DNER: variants seen among roughly 807,000 people sequenced by gnomAD.
DNER encodes delta/notch like EGF repeat containing.
Under a neutral mutation model 78.2 loss-of-function variants are expected in DNER, and 33 were observed. The observed-to-expected ratio is 0.42, with a 90% CI of 0.32 to 0.56. The LOEUF is 0.56. Ranked by LOEUF, DNER falls within the 20% of genes least tolerant of loss-of-function variation. The pLI, the probability that DNER is intolerant of heterozygous loss-of-function variation, is 0.11. For synonymous variants in DNER, 417 were observed against 384.8 expected (o/e 1.08, Z -0.98); for missense variants, 918 against 975.3 (o/e 0.94, Z 0.78).
chr2:229,393,128 T>C (rs1441836727), intron 10 of DNER, among the ~76,000 whole-genome samples: 1 of 152,216 alleles, frequency 6.6e-6, no homozygotes, highest in Non-Finnish European at 1.5e-5. Flanking sequence ...AAATTGTTTT[T>C]AGAACCCAAT....
chr2:229,396,226 C>A (rs560567831), intron 10 of DNER, among the ~76,000 whole-genome samples: 1 of 152,076 alleles, frequency 6.6e-6, no homozygotes, highest in East Asian at 1.9e-4. Context: ...AATTACTTAG[C>A]TTAAAGAAAA....
intron 4 of DNER, among the ~76,000 whole-genome samples, chr2:229,558,189 G>C (rs1335439619): frequency 1.3e-5 from 2 of 152,152 alleles, no homozygotes; most frequent in Non-Finnish European, 2.9e-5. Context: ...GGAACACATG[G>C]ACATATAGAG....
chr2:229,481,903 C>T (rs12476571), intron 6 of DNER, among the ~76,000 whole-genome samples: 39,195 of 152,086 alleles, frequency 0.26, 5,224 homozygotes, highest in South Asian at 0.33. Flanking sequence ...CATGCATACA[C>T]AACAGGCATT....
chr2:229,661,770 C>T (rs1250898924), intron 1 of DNER, among the ~76,000 whole-genome samples: 3 of 152,080 alleles, frequency 2.0e-5, no homozygotes, highest in South Asian at 2.1e-4. Flanking sequence ...TTCAATTAAA[C>T]GTTGACATGA....
At chr2:229,519,126 A>G (rs572220708) in intron 5 of DNER, among the ~76,000 whole-genome samples, 1 of 152,054 alleles carries the variant, frequency 6.6e-6, no homozygotes, top group African/African-American at 2.4e-5. Flanking sequence ...ATATTTTTCT[A>G]TTTCAATACT....
intron 4 of DNER, among the ~76,000 whole-genome samples, chr2:229,585,430 G>A (rs544957763): frequency 1.3e-5 from 2 of 152,206 alleles, no homozygotes; most frequent in African/African-American, 2.4e-5. Flanking sequence ...GGAGGCTGAG[G>A]CAGGCAGATC....
chr2:229,701,325 G>GA (rs1461135084), intron 1 of DNER, among the ~76,000 whole-genome samples: 2 of 152,192 alleles, frequency 1.3e-5, no homozygotes, highest in African/African-American at 4.8e-5. Context: ...AAACCTTTCA[G>GA]AAAAAAGCTG....
At chr2:229,479,620 C>T (rs765026424) in intron 6 of DNER, among the ~76,000 whole-genome samples, 7 of 149,168 alleles carry the variant, frequency 4.7e-5, no homozygotes, top group Non-Finnish European at 7.4e-5. Context: ...GGCTGAGGCA[C>T]GAGAGTCATT....
chr2:229,686,747 T>C (rs1699489107), intron 1 of DNER, among the ~76,000 whole-genome samples: 1 of 152,168 alleles, frequency 6.6e-6, no homozygotes. Context: ...ATCCCAACAG[T>C]CCAGACACGA....
intron 4 of DNER, among the ~76,000 whole-genome samples, chr2:229,561,129 A>G (rs1367288852): frequency 1.3e-5 from 2 of 152,194 alleles, no homozygotes; most frequent in Non-Finnish European, 2.9e-5. Context: ...TCACCCACAC[A>G]GAATCTCTCA....
At chr2:229,637,248 G>GAAT in intron 1 of DNER, among the ~76,000 whole-genome samples, 1 of 152,298 alleles carries the variant, frequency 6.6e-6, no homozygotes, top group Middle Eastern at 3.4e-3. Flanking sequence ...TAGAATTGTT[G>GAAT]AATGGGGTAT....
chr2:229,544,959 A>G (rs1228607207), intron 5 of DNER, among the ~76,000 whole-genome samples: 4 of 152,126 alleles, frequency 2.6e-5, no homozygotes, highest in Non-Finnish European at 5.9e-5. Context: ...CCCTCCTCAC[A>G]CTTATCAAAG....
intron 5 of DNER, among the ~76,000 whole-genome samples, chr2:229,521,347 C>T (rs571378256): frequency 4.6e-5 from 7 of 152,182 alleles, no homozygotes; most frequent in Admixed American, 3.3e-4. Context: ...CAGGGTCTAG[C>T]GAGAACTGAC....
At chr2:229,672,944 C>A (rs1420567920) in intron 1 of DNER, among the ~76,000 whole-genome samples, 1 of 152,222 alleles carries the variant, frequency 6.6e-6, no homozygotes, top group Non-Finnish European at 1.5e-5. Flanking sequence ...CTAGGCATGT[C>A]TTCACCCAAT....
At chr2:229,600,166 T>C (rs769855681) in intron 1 of DNER, among the ~76,000 whole-genome samples, 1 of 152,206 alleles carries the variant, frequency 6.6e-6, no homozygotes, top group Non-Finnish European at 1.5e-5. Flanking sequence ...AATTAGAGGT[T>C]GGCAAATCAC....
At chr2:229,452,160 T>C (rs760258988) in intron 7 of DNER, among the ~76,000 whole-genome samples, 3 of 152,118 alleles carry the variant, frequency 2.0e-5, no homozygotes, top group South Asian at 2.1e-4. Flanking sequence ...TTATAGGCAA[T>C]GTGGAGAGGG....
chr2:229,474,465 T>C (rs80134676), intron 7 of DNER, among the ~76,000 whole-genome samples: 16 of 152,314 alleles, frequency 1.1e-4, no homozygotes, highest in African/African-American at 3.8e-4. Flanking sequence ...TTCATCTTCA[T>C]CTTGTCAATT....
At chr2:229,376,197 C>A (rs1397487114) in intron 11 of DNER, among the ~76,000 whole-genome samples, 1 of 152,094 alleles carries the variant, frequency 6.6e-6, no homozygotes, top group Admixed American at 6.5e-5. Context: ...ATAAACTAAT[C>A]AACGAAGCGA....
At chr2:229,407,174 T>C in intron 10 of DNER, 58 bp downstream of exon 10, 2 of 1,496,346 alleles carry the variant, frequency 1.3e-6, no homozygotes, top group Admixed American at 1.9e-5. Context: ...TTTTTTAACA[T>C]CTGCAATCTC....
Sources: allele counts gnomAD v4.1 joint callset (sites outside exome capture counted in the v4.1 genomes callset), GRCh38; gene constraint gnomAD v4.1.1; transcripts MANE v1.5; gene names NCBI Gene and HGNC (gene_info 2026-07-23, HGNC 2026-07-21).